Variants in NRG3 observed in about 807,000 individuals in gnomAD.
NRG3 encodes the protein neuregulin 3, also known as pro-neuregulin-3, membrane-bound isoform.
A neutral mutation model predicts 66.9 loss-of-function variants in NRG3; 31 were observed. The observed-to-expected ratio is 0.46, with a 90% CI of 0.35 to 0.63. The LOEUF (loss-of-function observed/expected upper bound fraction) is 0.63. Among genes scored for constraint, NRG3 ranks in the 20% least tolerant of loss-of-function variants. The pLI is 0.00. For missense variants in NRG3, 910 were observed against 878.9 expected, an observed-to-expected ratio of 1.04 and a Z score of -0.45; for synonymous variants, 393 against 359.4, an observed-to-expected ratio of 1.09 and a Z score of -1.06.
At chr10:82,724,221 C>CT (rs976625890) in intron 2 of NRG3, among the ~76,000 whole-genome samples, 8 of 150,036 alleles carry the variant, frequency 5.3e-5, no homozygotes, top group South Asian at 4.2e-4. Context: ...GCCTATGCTA[C>CT]TTTTTTTTTT....
At chr10:82,266,012 A>T (rs2078275365) in intron 1 of NRG3, among the ~76,000 whole-genome samples, 1 of 152,142 alleles carries the variant, frequency 6.6e-6, no homozygotes, top group Non-Finnish European at 1.5e-5. Flanking sequence ...TTTCTCTTCA[A>T]GAAGGGAAGG....
intron 1 of NRG3, among the ~76,000 whole-genome samples, chr10:82,038,976 A>G (rs776338965): frequency 1.8e-4 from 27 of 152,124 alleles, no homozygotes; most frequent in Non-Finnish European, 2.6e-4. Context: ...AGCTCAGAGG[A>G]GTGTGCTAAG....
At chr10:82,765,758 A>G (rs1254208944) in intron 3 of NRG3, among the ~76,000 whole-genome samples, 1 of 152,130 alleles carries the variant, frequency 6.6e-6, no homozygotes, top group Admixed American at 6.6e-5. Flanking sequence ...GCATATAACT[A>G]TTTACTTTCT....
At chr10:81,968,110 G>T (rs2059798954) in intron 1 of NRG3, among the ~76,000 whole-genome samples, 1 of 152,282 alleles carries the variant, frequency 6.6e-6, no homozygotes, top group East Asian at 1.9e-4. Context: ...GGAAAGAGGG[G>T]CCCCTGCTCT....
chr10:82,353,521 T>C (rs1193848003), intron 1 of NRG3, among the ~76,000 whole-genome samples: 1 of 152,142 alleles, frequency 6.6e-6, no homozygotes, highest in Non-Finnish European at 1.5e-5. Context: ...TGCTACGTGA[T>C]GTGGAAAGAA....
intron 1 of NRG3, among the ~76,000 whole-genome samples, chr10:82,178,396 A>C (rs2073186971): frequency 6.6e-6 from 1 of 152,128 alleles, no homozygotes; most frequent in Non-Finnish European, 1.5e-5. Context: ...CCCTTTGCCC[A>C]GGCCTGGGAA....
intron 3 of NRG3, among the ~76,000 whole-genome samples, chr10:82,831,791 G>T (rs1386025857): frequency 2.0e-5 from 3 of 152,024 alleles, no homozygotes; most frequent in Non-Finnish European, 2.9e-5. Context: ...TCCAGCCTGG[G>T]TGACAAAAAA....
chr10:81,878,925 C>T (rs1473738757), intron 1 of NRG3, among the ~76,000 whole-genome samples: 14 of 152,132 alleles, frequency 9.2e-5, no homozygotes, highest in Non-Finnish European at 2.9e-5. Flanking sequence ...GGCTGGTTCA[C>T]TGACAATGAA....
intron 1 of NRG3, among the ~76,000 whole-genome samples, chr10:82,080,142 C>A (rs1056507259): frequency 6.6e-6 from 1 of 152,094 alleles, no homozygotes; most frequent in African/African-American, 2.4e-5. Context: ...ACAGTGGCTC[C>A]CATCCCAGTC....
intron 2 of NRG3, among the ~76,000 whole-genome samples, chr10:82,551,321 C>A (rs1461419613): frequency 6.6e-6 from 1 of 152,014 alleles, no homozygotes; most frequent in African/African-American, 2.4e-5. Context: ...GTTACATACA[C>A]TTTGTATTTA....
intron 2 of NRG3, among the ~76,000 whole-genome samples, chr10:82,705,156 A>G (rs1030997466): frequency 6.6e-5 from 10 of 152,200 alleles, no homozygotes; most frequent in African/African-American, 2.4e-4. Context: ...AGGGAAAGTC[A>G]GGTTCTGTAA....
chr10:82,923,352 C>A (rs1846635558), intron 4 of NRG3, among the ~76,000 whole-genome samples: 1 of 152,196 alleles, frequency 6.6e-6, no homozygotes, highest in Non-Finnish European at 1.5e-5. Context: ...AGAGGTATTA[C>A]CTCTTACAAA....
intron 1 of NRG3, among the ~76,000 whole-genome samples, chr10:82,271,292 C>T (rs2078580857): frequency 6.6e-6 from 1 of 152,054 alleles, no homozygotes; most frequent in African/African-American, 2.4e-5. Context: ...AATTCCAGCT[C>T]TGCCACCTAT....
chr10:82,482,239 G>A (rs567476383), intron 2 of NRG3, among the ~76,000 whole-genome samples: 1 of 152,138 alleles, frequency 6.6e-6, no homozygotes, highest in South Asian at 2.1e-4. Context: ...ACTATTTTTA[G>A]TTATCATGTT....
At chr10:82,363,054 C>G (rs1050444469) in intron 2 of NRG3, among the ~76,000 whole-genome samples, 2 of 152,008 alleles carry the variant, frequency 1.3e-5, no homozygotes, top group African/African-American at 4.8e-5. Flanking sequence ...ATCTGAATAT[C>G]ATAAATCAGA....
intron 2 of NRG3, among the ~76,000 whole-genome samples, chr10:82,497,800 A>G (rs1342297881): frequency 6.6e-6 from 1 of 152,112 alleles, no homozygotes; most frequent in Non-Finnish European, 1.5e-5. Context: ...TCTATTTTCA[A>G]TTTTTAGGAG....
chr10:82,645,891 C>T (rs940890429), intron 2 of NRG3, among the ~76,000 whole-genome samples: 1 of 151,970 alleles, frequency 6.6e-6, no homozygotes, highest in Non-Finnish European at 1.5e-5. Context: ...CTTCTCTCAG[C>T]TATAGTGCCT....
intron 2 of NRG3, among the ~76,000 whole-genome samples, chr10:82,569,629 T>C (rs1256608050): frequency 6.6e-6 from 1 of 151,718 alleles, no homozygotes; most frequent in African/African-American, 2.4e-5. Context: ...CGTTTTGGGT[T>C]TCATAACATT....
intron 2 of NRG3, among the ~76,000 whole-genome samples, chr10:82,563,211 ATTAT>A (rs1336917849): frequency 1.3e-5 from 2 of 152,156 alleles, no homozygotes; most frequent in African/African-American, 2.4e-5. Flanking sequence ...TTTTGAAGCC[ATTAT>A]TTATTTATGA....
Sources: allele counts gnomAD v4.1 joint callset (sites outside exome capture counted in the v4.1 genomes callset), GRCh38; gene constraint gnomAD v4.1.1; transcripts MANE v1.5; gene names NCBI Gene and HGNC (gene_info 2026-07-23, HGNC 2026-07-21).